TANC2: variants seen among roughly 807,000 people sequenced by gnomAD.
The protein encoded by TANC2 is tetratricopeptide repeat, ankyrin repeat and coiled-coil containing 2, also known as protein TANC2.
In TANC2, 26 loss-of-function variants were observed where a neutral mutation model predicts 210.5. The observed-to-expected ratio is 0.12, with a 90% CI of 0.09 to 0.17. The LOEUF (loss-of-function observed/expected upper bound fraction) is 0.17, where lower values mean the gene tolerates loss of function less well. TANC2 is among the 10% of genes least tolerant of loss of function. The probability of loss-of-function intolerance (pLI) is 1.00; values close to 1 mark genes in which losing one functional copy is unlikely to be tolerated. For missense variants in TANC2, 2,129 were observed against 2,608.9 expected, an observed-to-expected ratio of 0.82 and a Z score of 4.01; for synonymous variants, 931 against 967.1, an observed-to-expected ratio of 0.96 and a Z score of 0.69.
chr17:63,398,872 C>T lies in TANC2; in HGVS notation c.3289C>T (p.Arg1097Ter). 6.3e-7 allele frequency: 1 copy of T among 1,598,262 alleles called. No individual in the cohort carries two copies. Among genetic ancestry groups the T allele is most frequent in the Non-Finnish European group, 8.5e-7 (1 of 1,171,912 alleles). Residue 1097 changes from arginine to a stop codon, truncating the protein, a stop_gained, in exon 19 of 28, where the codon CGA becomes TGA. Coordinates refer to ENST00000689528, the Ensembl canonical transcript of TANC2. LOFTEE classifies it high-confidence loss of function. ...AGAAAAAGATGAAGAGGAAGTAGAGCGAGCACAGATCAACAGCTTTGACAG... is the reference window on the plus strand; with the variant it reads ...AGAAAAAGATGAAGAGGAAGTAGAGTGAGCACAGATCAACAGCTTTGACAG...
intron 4 of TANC2, among the ~76,000 whole-genome samples, chr17:63,136,579 T>C (rs994351035): frequency 6.6e-6 from 1 of 152,150 alleles, no homozygotes; most frequent in Non-Finnish European, 1.5e-5. Flanking sequence ...TAGCAGTATA[T>C]AAAACAGACA....
intron 21 of TANC2, among the ~76,000 whole-genome samples, chr17:63,409,593 G>A (rs1004198213): frequency 1.3e-5 from 2 of 152,152 alleles, no homozygotes; most frequent in African/African-American, 4.8e-5. Context: ...GTGTCCTTAG[G>A]TGATTTTGTC....
intron 11 of TANC2, among the ~76,000 whole-genome samples, chr17:63,335,148 C>T (rs2045982665): frequency 6.6e-6 from 1 of 152,110 alleles, no homozygotes; most frequent in Non-Finnish European, 1.5e-5. Context: ...CAAACTCTAC[C>T]ACCAGTAGAA....
intron 4 of TANC2, among the ~76,000 whole-genome samples, chr17:63,126,421 G>GT (rs1567745282): frequency 6.6e-6 from 1 of 151,960 alleles, no homozygotes; most frequent in Non-Finnish European, 1.5e-5. Context: ...TGCTGCTGTT[G>GT]TTTTTTGACG....
chr17:62,994,507 A>G (rs548351513), intron 1 of TANC2, among the ~76,000 whole-genome samples: 13 of 152,330 alleles, frequency 8.5e-5, no homozygotes, highest in Middle Eastern at 3.4e-3. Context: ...GATGCCATTT[A>G]TCAGACTGAG....
intron 11 of TANC2, among the ~76,000 whole-genome samples, chr17:63,324,996 A>AT (rs1306388786): frequency 7.1e-6 from 1 of 140,170 alleles, no homozygotes; most frequent in African/African-American, 2.7e-5. Context: ...TATCATAAAA[A>AT]TTGTAATGAA....
intron 5 of TANC2, among the ~76,000 whole-genome samples, chr17:63,180,499 G>C (rs1258743713): frequency 2.0e-5 from 3 of 152,156 alleles, no homozygotes; most frequent in Non-Finnish European, 2.9e-5. Context: ...TATTTAAAAG[G>C]ATGAATGATG....
intron 2 of TANC2, among the ~76,000 whole-genome samples, chr17:63,011,255 G>A (rs1026798650): frequency 2.6e-5 from 4 of 151,782 alleles, no homozygotes; most frequent in East Asian, 1.9e-4. Context: ...TTTTTACTAC[G>A]TCATGCTTCT....
chr17:63,140,979 A>C (rs1301535813), intron 4 of TANC2, among the ~76,000 whole-genome samples: 1 of 151,814 alleles, frequency 6.6e-6, no homozygotes, highest in Admixed American at 6.6e-5. Context: ...TGAACTCCTG[A>C]CCTCAAGTGA....
chr17:63,421,324 G>T lies in TANC2; in HGVS notation c.5594G>T (p.Arg1865Leu). 2 of 1,613,954 alleles carry T rather than the reference G, an allele frequency of 1.2e-6. No homozygotes were observed. Among genetic ancestry groups the T allele is most frequent in the East Asian group, 2.2e-5 (1 of 44,890 alleles). Residue 1865 changes from arginine (R) to leucine (L), a missense_variant, in exon 28 of 28, where the codon CGC becomes CTC. Transcript: ENST00000689528. This position sits in a 1 kb window ranked among gnomAD's most constrained non-coding sequence, Gnocchi z 6.9. The stretch of plus-strand genomic sequence containing the variant: ...CTGCATTCCCAAAGTGTAGGCCTTC[G>T]CTTCTCTCCATCTAGCAATAGTATC...
At chr17:63,048,244 A>T (rs112923686) in intron 2 of TANC2, among the ~76,000 whole-genome samples, 3,628 of 152,288 alleles carry the variant, frequency 0.024, 58 homozygotes, top group Non-Finnish European at 0.038. Context: ...TTGAGGTATC[A>T]TGTCCTGAAC....
chr17:63,155,902 A>G (rs1486851273), intron 5 of TANC2, among the ~76,000 whole-genome samples: 1 of 152,200 alleles, frequency 6.6e-6, no homozygotes, highest in Non-Finnish European at 1.5e-5. Flanking sequence ...GCCATTGTAA[A>G]CAAAGTGTTT....
At chr17:63,299,700 C>T (rs1007976967) in intron 9 of TANC2, among the ~76,000 whole-genome samples, 11 of 151,798 alleles carry the variant, frequency 7.2e-5, no homozygotes, top group African/African-American at 2.7e-4. Context: ...TCAGATGGAT[C>T]GATTGCAAAT....
chr17:63,289,415 A>G (rs2927296), intron 9 of TANC2, among the ~76,000 whole-genome samples: 8,718 of 152,040 alleles, frequency 0.057, 390 homozygotes, highest in African/African-American at 0.12. Context: ...CTGTTGATAC[A>G]TCCTCAAAAT....
At chr17:63,316,919 G>A (rs2045331559) in intron 10 of TANC2, among the ~76,000 whole-genome samples, 1 of 151,276 alleles carries the variant, frequency 6.6e-6, no homozygotes, top group Non-Finnish European at 1.5e-5. Flanking sequence ...GTATATGGAG[G>A]GTTGGCTTAA....
chr17:62,999,865 A>G (rs1043438063), intron 1 of TANC2, among the ~76,000 whole-genome samples: 1 of 152,240 alleles, frequency 6.6e-6, no homozygotes, highest in Non-Finnish European at 1.5e-5. Context: ...GACTGGATAA[A>G]GAAAATGTAT....
intron 7 of TANC2, among the ~76,000 whole-genome samples, chr17:63,235,350 A>G (rs903806597): frequency 1.3e-5 from 2 of 152,066 alleles, no homozygotes; most frequent in Non-Finnish European, 2.9e-5. Context: ...TAATCACTAA[A>G]GGGGAAATAG....
At chr17:63,100,791 G>A (rs17682676) in intron 4 of TANC2, among the ~76,000 whole-genome samples, 1 of 152,088 alleles carries the variant, frequency 6.6e-6, no homozygotes, top group African/African-American at 2.4e-5. Flanking sequence ...AATAGTCAAC[G>A]TTTATTAAGA....
intron 4 of TANC2, among the ~76,000 whole-genome samples, chr17:63,114,292 A>T (rs1478715634): frequency 1.3e-5 from 2 of 152,202 alleles, no homozygotes; most frequent in African/African-American, 4.8e-5. Context: ...ATTACATATC[A>T]TTCACGACAT....
Sources: gnomAD v4.1 joint callset for allele counts (sites outside exome capture counted in the v4.1 genomes callset) on GRCh38, gnomAD v4.1.1 for gene constraint, Gnocchi (gnomAD v3.1) non-coding constraint, MANE v1.5 for transcripts, NCBI Gene and HGNC (gene_info 2026-07-23, HGNC 2026-07-21) for gene names.